GALNT17: variants seen among roughly 807,000 people sequenced by gnomAD.
GALNT17 encodes the protein polypeptide N-acetylgalactosaminyltransferase 17, also known as UDP-GalNAc:polypeptide N-acetylgalactosaminyltransferase-like 3.
Under a neutral mutation model 63.7 loss-of-function variants are expected in GALNT17, and 29 were observed. The observed-to-expected ratio is 0.46, with a 90% CI of 0.34 to 0.62. The LOEUF (loss-of-function observed/expected upper bound fraction) is 0.62, where lower values mean the gene tolerates loss of function less well. Among genes scored for constraint, GALNT17 ranks in the 20% least tolerant of loss-of-function variants. GALNT17 has a pLI of 0.01. For missense variants in GALNT17, 603 were observed against 799.6 expected (o/e 0.75, Z 2.97); for synonymous variants, 305 against 318.3 (o/e 0.96, Z 0.45).
chr7:71,529,664 A>G (rs979187914), intron 5 of GALNT17, among the ~76,000 whole-genome samples: 2 of 152,208 alleles, frequency 1.3e-5, no homozygotes, highest in Non-Finnish European at 2.9e-5. Flanking sequence ...CTGAGCTTCA[A>G]GTAGCATTCT....
At chr7:71,644,399 G>A (rs1350235780) in intron 6 of GALNT17, among the ~76,000 whole-genome samples, 1 of 151,674 alleles carries the variant, frequency 6.6e-6, no homozygotes, top group Non-Finnish European at 1.5e-5. Context: ...GCTTGGTATG[G>A]TGGCATGCGC....
chr7:71,245,762 A>C (rs1790082185), intron 1 of GALNT17, among the ~76,000 whole-genome samples: 1 of 152,148 alleles, frequency 6.6e-6, no homozygotes. Flanking sequence ...AAAGAGGAGC[A>C]CAGAGATCAC....
chr7:71,611,231 T>C (rs1032404373), intron 6 of GALNT17, among the ~76,000 whole-genome samples: 2 of 152,140 alleles, frequency 1.3e-5, no homozygotes, highest in African/African-American at 4.8e-5. Flanking sequence ...AGAGTCCTGT[T>C]GTTCCCTCAT....
At chr7:71,564,224 A>G (rs939616675) in intron 5 of GALNT17, among the ~76,000 whole-genome samples, 25 of 151,022 alleles carry the variant, frequency 1.7e-4, no homozygotes, top group Non-Finnish European at 3.4e-4. Context: ...CAGGCTCTGT[A>G]AGCAGATTTT....
At chr7:71,510,066 T>A (rs529745840) in intron 5 of GALNT17, among the ~76,000 whole-genome samples, 1 of 152,162 alleles carries the variant, frequency 6.6e-6, no homozygotes, top group African/African-American at 2.4e-5. Context: ...TGCCTTGGTC[T>A]CCCGAGTAGC....
At chr7:71,466,268 A>G (rs1195608953) in intron 5 of GALNT17, among the ~76,000 whole-genome samples, 3 of 152,184 alleles carry the variant, frequency 2.0e-5, no homozygotes, top group Non-Finnish European at 4.4e-5. Context: ...AGTTCAGACC[A>G]TGACTGGAAG....
rs1032906422 is a variant in GALNT17 at position 71,332,444 on chromosome 7, C to G, written c.239-3106C>G. ...TAGTTAATGAGCAACTCATCCTCTC[C>G]CTCTCTGAGAGCAGACATAGACTCA... On this transcript the variant is annotated intron_variant, in intron 1 of 10. Coordinates refer to ENST00000333538, the MANE Select transcript of GALNT17 (RefSeq NM_022479.3). Among the ~76,000 whole-genome samples the G allele has an allele frequency of 3.9e-5, 6 of 152,108 alleles. No individual in the cohort carries two copies. The South Asian group carries it at 1.2e-3, about 32-fold the overall frequency.
intron 6 of GALNT17, among the ~76,000 whole-genome samples, chr7:71,589,657 T>C (rs1378173336): frequency 6.6e-6 from 1 of 152,160 alleles, no homozygotes; most frequent in East Asian, 1.9e-4. Flanking sequence ...TTTATAAACA[T>C]TACATTATTC....
intron 5 of GALNT17, among the ~76,000 whole-genome samples, chr7:71,523,744 A>AAAAAAAAT (rs1554303947): frequency 7.3e-6 from 1 of 137,550 alleles, no homozygotes; most frequent in Non-Finnish European, 1.6e-5. Flanking sequence ...CCTGTCTCAA[A>AAAAAAAAT]AAATAAATAA....
chr7:71,295,108 G>A (rs1161775555), intron 1 of GALNT17, among the ~76,000 whole-genome samples: 1 of 152,096 alleles, frequency 6.6e-6, no homozygotes, highest in African/African-American at 2.4e-5. Context: ...ATGGGCCGAG[G>A]ATACACTTTC....
intron 1 of GALNT17, among the ~76,000 whole-genome samples, chr7:71,312,754 G>A (rs983434750): frequency 3.3e-5 from 5 of 152,100 alleles, no homozygotes; most frequent in African/African-American, 1.2e-4. Flanking sequence ...TCTCCAATAT[G>A]TTTACATTTT....
rs148496820 is a variant in GALNT17 at position 71,578,417 on chromosome 7, T to C, written c.1080+7015T>C. On this transcript the variant is annotated intron_variant, in intron 6 of 10. Coordinates refer to ENST00000333538, the MANE Select transcript of GALNT17 (RefSeq NM_022479.3). ...ACAAAAATTATAGCTCACTGCAGCCTCCAACTCCTAGAATCAGGTGATCCT... is the reference window on the plus strand; with the variant it reads ...ACAAAAATTATAGCTCACTGCAGCCCCCAACTCCTAGAATCAGGTGATCCT... 8.9e-3 allele frequency among the ~76,000 whole-genome samples: 1,351 copies of C among 152,260 alleles called. 29 individuals are homozygous for C. The highest frequency in any genetic ancestry group is 0.03 in the African/African-American group (1,250 of 41,556).
At chr7:71,278,335 T>C (rs1790718329) in intron 1 of GALNT17, among the ~76,000 whole-genome samples, 1 of 152,200 alleles carries the variant, frequency 6.6e-6, no homozygotes, top group Non-Finnish European at 1.5e-5. Context: ...TTCTAGAGCC[T>C]AGAAGTCTGA....
intron 1 of GALNT17, among the ~76,000 whole-genome samples, chr7:71,195,985 A>G (rs1203698523): frequency 6.6e-6 from 1 of 152,018 alleles, no homozygotes; most frequent in African/African-American, 2.4e-5. Context: ...AACTCTTCTC[A>G]TGTGTTGTCA....
chr7:71,137,689 A>T (rs1455365829), intron 1 of GALNT17, among the ~76,000 whole-genome samples: 2 of 152,154 alleles, frequency 1.3e-5, no homozygotes. Context: ...CGCCATCTTG[A>T]GGCTCGTCTA....
chr7:71,212,914 G>A (rs746728634), intron 1 of GALNT17, among the ~76,000 whole-genome samples: 1 of 152,138 alleles, frequency 6.6e-6, no homozygotes, highest in Non-Finnish European at 1.5e-5. Context: ...TAGGAGGAAG[G>A]GACTTGCCTT....
rs959932612 is a variant in GALNT17 at position 71,155,666 on chromosome 7, A to G, written c.238+22626A>G. Among the ~76,000 whole-genome samples, 16 of 151,410 alleles carry G rather than the reference A, an allele frequency of 1.1e-4. 2 individuals are homozygous for G. The highest frequency in any genetic ancestry group is 9.9e-4 in the Admixed American group (15 of 15,218). On this transcript the variant is annotated intron_variant, in intron 1 of 10. Transcript: ENST00000333538. ...CTACCTCTGAAGACAGCCTGTTTCC[A>G]TAAGAGACTACTGATTTTCTACTTT...
intron 6 of GALNT17, among the ~76,000 whole-genome samples, chr7:71,572,655 GA>G (rs1454033498): frequency 6.6e-6 from 1 of 152,038 alleles, no homozygotes; most frequent in Non-Finnish European, 1.5e-5. Flanking sequence ...GGAGGCTGGT[GA>G]GAAGATTTAA....
chr7:71,177,633 A>T (rs985864853), intron 1 of GALNT17, among the ~76,000 whole-genome samples: 4 of 152,250 alleles, frequency 2.6e-5, no homozygotes, highest in Admixed American at 6.5e-5. Flanking sequence ...GATGGAGATG[A>T]TGGAAAAGAC....
Sources: gnomAD v4.1 joint callset for allele counts (sites outside exome capture counted in the v4.1 genomes callset) on GRCh38, gnomAD v4.1.1 for gene constraint, MANE v1.5 for transcripts, NCBI Gene and HGNC (gene_info 2026-07-23, HGNC 2026-07-21) for gene names.